Variants in TUBA3D observed in about 807,000 individuals in gnomAD.
The protein encoded by TUBA3D is tubulin alpha 3d, also known as tubulin alpha-3D chain.
TUBA3D carries 24 observed loss-of-function variants against 36.1 expected under a neutral mutation model. The ratio of observed to expected loss-of-function variants is 0.66; its 90% CI spans 0.48 to 0.93. The LOEUF (loss-of-function observed/expected upper bound fraction) is 0.93. Among genes scored for constraint, TUBA3D ranks in the 40% least tolerant of loss-of-function variants. The pLI is 0.00. For synonymous variants in TUBA3D, 185 were observed against 247.2 expected (o/e 0.75, Z 2.36); for missense variants, 356 against 614.5 (o/e 0.58, Z 4.45).
In TUBA3D at chr2:131,479,570, T is replaced by C. The variant is rs879476706; in HGVS notation, c.375+114T>C. The C allele has an allele frequency of 3.8e-4, 591 of 1,547,324 alleles. 1 individual carries two copies. Among genetic ancestry groups the C allele is most frequent in the Non-Finnish European group, 2.2e-4 (250 of 1,139,736 alleles). Reference sequence around the variant, plus strand: ...AGACCAGCATCTTGGCCGGGCGCGGTGGCTCACACATGTAATCCCAGCACT... The same window carrying C: ...AGACCAGCATCTTGGCCGGGCGCGGCGGCTCACACATGTAATCCCAGCACT... On this transcript the variant is annotated intron_variant, in intron 3 of 4. Coordinates refer to ENST00000321253, the MANE Select transcript of TUBA3D (RefSeq NM_080386.4).
intron 2 of TUBA3D, among the ~76,000 whole-genome samples, 178 bp from the exon 3 acceptor site, chr2:131,479,130 T>C (rs1363403810): frequency 6.6e-6 from 1 of 152,258 alleles, no homozygotes; most frequent in African/African-American, 2.4e-5. Context: ...AAATTGCATA[T>C]GCAGTTTGGT....
chr2:131,479,499 G>T, intron 3 of TUBA3D, 43 bp downstream of exon 3: 1 of 1,603,318 alleles, frequency 6.2e-7, no homozygotes, highest in Non-Finnish European at 8.5e-7. Flanking sequence ...TTGCATGGGA[G>T]GGGTAGTTCT....
At chr2:131,480,831 G>C in intron 4 of TUBA3D, 82 bp downstream of exon 4, 1 of 1,550,248 alleles carries the variant, frequency 6.5e-7, no homozygotes, top group South Asian at 1.2e-5. Context: ...ACATCCTTTG[G>C]GGAGATTATC....
chr2:131,476,447 T>G (rs2105267365), intron 1 of TUBA3D, among the ~76,000 whole-genome samples: 1 of 151,930 alleles, frequency 6.6e-6, no homozygotes, highest in African/African-American at 2.4e-5. Context: ...CGGTGTCCCG[T>G]CCCCCAGAGA....
chr2:131,476,472 C>T (rs1678670701), intron 1 of TUBA3D, among the ~76,000 whole-genome samples: 1 of 152,186 alleles, frequency 6.6e-6, no homozygotes, highest in African/African-American at 2.4e-5. Context: ...ATAGTGGCGT[C>T]GCCTCCTGAA....
At chr2:131,481,256 T>C (rs1359544235) in intron 4 of TUBA3D, among the ~76,000 whole-genome samples, 2 of 151,652 alleles carry the variant, frequency 1.3e-5, no homozygotes, top group Non-Finnish European at 2.9e-5. Context: ...ATATCTGTGG[T>C]GAGCTTTATT....
chr2:131,482,414 A>G (rs569561891), intron 4 of TUBA3D, 138 bp from the exon 5 acceptor site: 26 of 1,339,528 alleles, frequency 1.9e-5, no homozygotes, highest in Non-Finnish European at 2.6e-5. Context: ...GGTGCAGAGA[A>G]GGGCTTAGTG....
intron 4 of TUBA3D, 84 bp from the exon 5 acceptor site, chr2:131,482,468 G>A: frequency 2.0e-6 from 3 of 1,530,674 alleles, no homozygotes; most frequent in Middle Eastern, 1.8e-4. Flanking sequence ...CACCTACAGG[G>A]TGTCTTCTGT....
chr2:131,480,794 A>G (rs1473290166), intron 4 of TUBA3D, 45 bp downstream of exon 4: 1 of 1,583,474 alleles, frequency 6.3e-7, no homozygotes, highest in South Asian at 1.2e-5. Context: ...CAGCAGATGC[A>G]CAAAATAACA....
chr2:131,479,193 G>A lies in TUBA3D; in HGVS notation c.227-115G>A, dbSNP rs1300710917. ...CACTGCCACTGTTGACCTATGACAT[G>A]TAGGTCATGTACTTTGAACAGCATG... On this transcript the variant is annotated intron_variant, in intron 2 of 4. Transcript: ENST00000321253. 12 of 1,466,338 alleles carry A rather than the reference G, an allele frequency of 8.2e-6. No individual in the cohort carries two copies. In the East Asian group the frequency reaches 1.4e-4, roughly 17 times the overall value. The allele number at this position is 1,466,338 out of a possible 1,614,324, so 90.8% of individuals were successfully genotyped here.
chr2:131,479,470 G>T lies in TUBA3D; in HGVS notation c.375+14G>T. 1.2e-6 allele frequency: 2 copies of T among 1,610,628 alleles called. No homozygotes were observed. The highest frequency in any genetic ancestry group is 1.7e-6 in the Non-Finnish European group (2 of 1,177,474). On this transcript the variant is annotated intron_variant, in intron 3 of 4. Transcript: ENST00000321253. ...ATCCGCAAACTGGTAAGAAGAGAAGGTTTCATGTGGCCATTTTCTTGCATG... is the reference window on the plus strand; with the variant it reads ...ATCCGCAAACTGGTAAGAAGAGAAGTTTTCATGTGGCCATTTTCTTGCATG...
At position 131,480,519 on chromosome 2, in the gene TUBA3D, A is replaced by G; in HGVS notation, c.826A>G (p.Ile276Val). Residue 276 changes from isoleucine to valine, a missense_variant, in exon 4 of 5, where the codon ATC becomes GTC. By Grantham distance (29) the Ile-to-Val change is conservative. This residue lies in a region of TUBA3D where 91 missense variants were observed against 240.9 expected (regional missense o/e 0.38). Transcript: ENST00000321253. The stretch of plus-strand genomic sequence containing the variant: ...CCCCCTGGCCACCTATGCCCCAGTC[A>G]TCTCAGCTGAGAAGGCCTACCACGA... ...HFPLATYAPV[I>V]SAEKAYHEQL... The G allele has an allele frequency of 6.2e-7, 1 of 1,602,312 alleles. No individual in the cohort carries two copies. Among genetic ancestry groups the G allele is most frequent in the Non-Finnish European group, 8.5e-7 (1 of 1,177,166 alleles).
intron 4 of TUBA3D, 103 bp downstream of exon 4, chr2:131,480,852 G>C (rs1488749747): frequency 6.1e-6 from 9 of 1,483,078 alleles, no homozygotes; most frequent in Non-Finnish European, 7.3e-6. Flanking sequence ...CCTGTTCCAT[G>C]GGCTAGGCAT....
chr2:131,480,759 G>C lies in TUBA3D; in HGVS notation c.1056+10G>C. 6.2e-7 allele frequency: 1 copy of C among 1,605,088 alleles called. No homozygotes were observed. The highest frequency in any genetic ancestry group is 8.5e-7 in the Non-Finnish European group (1 of 1,173,170). ...CCCGACTGGATTTAAGGTATGACTG[G>C]GTGATGTGGAGGCCTTTCAGCAAGC... is the stretch of plus-strand genomic sequence containing the variant. On this transcript the variant is annotated intron_variant, in intron 4 of 4. Transcript: ENST00000321253.
chr2:131,480,975 C>T (rs145123533), intron 4 of TUBA3D, among the ~76,000 whole-genome samples: 5,862 of 151,880 alleles, frequency 0.039, 389 homozygotes, highest in African/African-American at 0.13. Flanking sequence ...GCGATCTCAG[C>T]TAACTGCAAC....
chr2:131,482,475 C>A (rs1170681392), intron 4 of TUBA3D, 77 bp from the exon 5 acceptor site: 1 of 1,533,498 alleles, frequency 6.5e-7, no homozygotes, highest in Non-Finnish European at 8.8e-7. Context: ...AGGGTGTCTT[C>A]TGTTTGAGGA....
rs139338147 is a variant in TUBA3D at position 131,479,363 on chromosome 2, C to G, written c.282C>G (p.Thr94=). 2 of 1,614,118 alleles carry G rather than the reference C, an allele frequency of 1.2e-6. No individual in the cohort carries two copies. Among genetic ancestry groups the G allele is most frequent in the African/African-American group, 1.3e-5 (1 of 75,010 alleles). The change falls in exon 3 of 5, where the codon ACC becomes ACG. Residue 94 remains threonine, a synonymous_variant. Coordinates refer to ENST00000321253, the MANE Select transcript of TUBA3D (RefSeq NM_080386.4). ...RQLFHPEQLI[T]GKEDAANNYA... The stretch of plus-strand genomic sequence containing the variant: ...TCTTCCACCCGGAGCAGCTGATCAC[C>G]GGGAAGGAAGATGCAGCCAATAATT...
rs376848710 is a variant in TUBA3D at position 131,482,688 on chromosome 2, T to C, written c.1193T>C (p.Met398Thr). 10 of 1,614,096 alleles carry C rather than the reference T, an allele frequency of 6.2e-6. No individual in the cohort carries two copies. The highest frequency in any genetic ancestry group is 1.1e-5 in the South Asian group (1 of 91,088). The change falls in exon 5 of 5, where the codon ATG (methionine) becomes ACG (threonine). Residue 398 changes from methionine (M) to threonine (T), a missense_variant. This residue lies in a region of TUBA3D where 156 missense variants were observed against 219.8 expected (regional missense o/e 0.71). Coordinates refer to ENST00000321253, the MANE Select transcript of TUBA3D (RefSeq NM_080386.4). ...WARLDHKFDLMYAKRAFVHWY... is the reference protein window; with the variant it reads ...WARLDHKFDLTYAKRAFVHWY... ...CGCCTGGACCATAAGTTCGATCTCA[T>C]GTATGCCAAGCGGGCCTTTGTGCAC...
intron 4 of TUBA3D, 32 bp from the exon 5 acceptor site, chr2:131,482,520 T>A (rs1229201797): frequency 6.3e-7 from 1 of 1,581,934 alleles, no homozygotes; most frequent in Non-Finnish European, 8.6e-7. Flanking sequence ...GATATAAGCT[T>A]CATGGACTGC....
Sources: gnomAD v4.1 joint callset for allele counts (sites outside exome capture counted in the v4.1 genomes callset) on GRCh38, gnomAD v4.1.1 for gene constraint, gnomAD v4.1.1 regional missense constraint, MANE v1.5 for transcripts, NCBI Gene and HGNC (gene_info 2026-07-23, HGNC 2026-07-21) for gene names.